ETAA1: variants seen among roughly 807,000 people sequenced by gnomAD.
The protein encoded by ETAA1 is ETAA1 activator of ATR kinase.
Under a neutral mutation model 76.8 loss-of-function variants are expected in ETAA1, and 49 were observed. The ratio of observed to expected loss-of-function variants is 0.64; its 90% CI spans 0.51 to 0.81. The LOEUF (loss-of-function observed/expected upper bound fraction) is 0.81, where lower values mean the gene tolerates loss of function less well. Ranked by LOEUF, ETAA1 falls within the 30% of genes least tolerant of loss-of-function variation. The probability of loss-of-function intolerance (pLI) is 0.00; values close to 1 mark genes in which losing one functional copy is unlikely to be tolerated. For missense variants in ETAA1, 1,099 were observed against 1,074.0 expected, an observed-to-expected ratio of 1.02 and a Z score of -0.32; for synonymous variants, 373 against 372.2, an observed-to-expected ratio of 1.00 and a Z score of -0.03.
chr2:67,406,023 T>C (rs1472377626), intron 5 of ETAA1, among the ~76,000 whole-genome samples: 1 of 152,054 alleles, frequency 6.6e-6, no homozygotes, highest in East Asian at 1.9e-4. Flanking sequence ...TCAATTCTTA[T>C]CTCCAAACAG....
Position 67,397,401 on chromosome 2 carries a change from T to A in ETAA1, c.-48T>A. 1 of 1,545,168 alleles carries A rather than the reference T, an allele frequency of 6.5e-7. No individual in the cohort carries two copies. The highest frequency in any genetic ancestry group is 1.2e-5 in the South Asian group (1 of 84,262). ...TAGTGCTGTTGCCCTACTCATCCCT[T>A]TGCAAAATGTGAAAGAAGAAGCGGC... On this transcript the variant is annotated 5_prime_UTR_variant, in exon 1 of 6. In the 5' UTR this introduces an upstream ATG that the reference lacks. Transcript: ENST00000272342.
intron 1 of ETAA1, 58 bp from the exon 2 acceptor site, chr2:67,399,111 C>T (rs1675983771): frequency 6.7e-7 from 1 of 1,498,474 alleles, no homozygotes; most frequent in South Asian, 1.3e-5. Flanking sequence ...TGGGGTCTTA[C>T]GAAGTAAGGT....
chr2:67,397,562 A>G lies in ETAA1; in HGVS notation c.114A>G (p.Arg38=), dbSNP rs1203704509. 6.4e-7 allele frequency: 1 copy of G among 1,570,016 alleles called. No individual in the cohort carries two copies. The highest frequency in any genetic ancestry group is 1.2e-5 in the South Asian group (1 of 85,936). Residue 38 remains arginine (R), a synonymous_variant, in exon 1 of 6, where the codon AGA becomes AGG. Transcript: ENST00000272342. ...SVVEPGRRRL[R]SARGSWPCGA... The stretch of plus-strand genomic sequence containing the variant: ...TCGAGCCAGGGAGGAGGCGGCTGAG[A>G]TCGGCCCGCGGTTCGTGGCCCTGCG...
intron 2 of ETAA1, 34 bp from the exon 3 acceptor site, chr2:67,399,516 T>C: frequency 6.6e-7 from 1 of 1,520,114 alleles, no homozygotes; most frequent in South Asian, 1.2e-5. Context: ...GGGTTTTTTG[T>C]TTAAAATTTA....
chr2:67,398,428 C>T (rs983553439), intron 1 of ETAA1, among the ~76,000 whole-genome samples: 1 of 151,564 alleles, frequency 6.6e-6, no homozygotes, highest in Non-Finnish European at 1.5e-5. Flanking sequence ...CTCCGCCTCC[C>T]GGGTTCAAGC....
At position 67,410,793 on chromosome 2, in the gene ETAA1, A is replaced by T. The variant is rs1348876192; in HGVS notation, c.*755A>T. On this transcript the variant is annotated 3_prime_UTR_variant, in exon 6 of 6. Transcript: ENST00000272342. ...AAAAAGTAATACTGTTTTCAAAGTC[A>T]TAGGCAAGTTAATGCTGTGCTACAA... 6.6e-6 allele frequency: 1 copy of T among 152,110 alleles called. No individual in the cohort carries two copies. The highest frequency in any genetic ancestry group is 1.5e-5 in the Non-Finnish European group (1 of 67,970). 9.4% of individuals were successfully genotyped at this position (152,110 alleles called of 1,614,324 possible). A position where few individuals can be genotyped will look rare whatever the true frequency, so the allele number is the denominator to read the frequency against.
chr2:67,404,846 G>A lies in ETAA1; in HGVS notation c.2164G>A (p.Glu722Lys), dbSNP rs974563654. The A allele has an allele frequency of 1.2e-5, 20 of 1,613,026 alleles. No homozygotes were observed. Among genetic ancestry groups the A allele is most frequent in the Non-Finnish European group, 1.6e-5 (19 of 1,179,380 alleles). ...TAAGCCAATGAAGATGGAGAAAGGG[G>A]AAATGTATGGAAATTCTCCAAGATT... is the stretch of plus-strand genomic sequence containing the variant. Reference protein sequence around the residue: ...IDKPMKMEKGEMYGNSPRFLG... With the variant: ...IDKPMKMEKGKMYGNSPRFLG... The change falls in exon 5 of 6, where the codon GAA becomes AAA. Residue 722 changes from glutamate (E) to lysine (K), a missense_variant. By Grantham distance (56) the Glu-to-Lys change is moderately conservative (BLOSUM62 1). Around this residue, in one of 3 missense-constraint regions of ETAA1, gnomAD observed 302 missense variants for 278.1 expected, o/e 1.09. Coordinates refer to ENST00000272342, the MANE Select transcript of ETAA1 (RefSeq NM_019002.4).
chr2:67,403,099 C>A, intron 4 of ETAA1, 125 bp downstream of exon 4: 1 of 1,134,474 alleles, frequency 8.8e-7, no homozygotes. Context: ...TTTGATCTAT[C>A]AAATTTTGGA....
intron 5 of ETAA1, 73 bp from the exon 6 acceptor site, chr2:67,409,838 G>C (rs749346323): frequency 6.9e-7 from 1 of 1,449,076 alleles, no homozygotes; most frequent in African/African-American, 1.4e-5. Flanking sequence ...ATTAAAAAAA[G>C]CAAAAATTAA....
In ETAA1 at chr2:67,399,253, A is replaced by G. The variant is rs1675987673; in HGVS notation, c.308A>G (p.Asn103Ser). The change falls in exon 2 of 6, where the codon AAT (asparagine) becomes AGT (serine). Residue 103 changes from asparagine to serine, a missense_variant. Coordinates refer to ENST00000272342, the MANE Select transcript of ETAA1 (RefSeq NM_019002.4). ...FSSPNDPDGQ[N>S]DIFWDQNSPL... is the part of the protein sequence containing the mutation. ...TCTCCTAATGATCCAGATGGACAGAATGATATCTTTTGGGATCAGAATTCT... is the reference window on the plus strand; with the variant it reads ...TCTCCTAATGATCCAGATGGACAGAGTGATATCTTTTGGGATCAGAATTCT... 1 of 1,613,560 alleles carries G rather than the reference A, an allele frequency of 6.2e-7. No homozygotes were observed. Among genetic ancestry groups the G allele is most frequent in the South Asian group, 1.1e-5 (1 of 91,010 alleles).
At chr2:67,402,996 T>C in intron 4 of ETAA1, 22 bp downstream of exon 4, 1 of 1,559,878 alleles carries the variant, frequency 6.4e-7, no homozygotes, top group Non-Finnish European at 8.7e-7. Flanking sequence ...CTTTTCAGCT[T>C]TTCTGAAATT....
rs988261030 is a variant in ETAA1, at chr2:67,402,902, T to C, written c.470T>C (p.Ile157Thr). The C allele has an allele frequency of 1.2e-6, 2 of 1,605,110 alleles. No individual in the cohort carries two copies. Among genetic ancestry groups the C allele is most frequent in the Non-Finnish European group, 1.7e-6 (2 of 1,175,634 alleles). Residue 157 changes from isoleucine (I) to threonine (T), a missense_variant, in exon 4 of 6, where the codon ATT (isoleucine) becomes ACT (threonine). Physicochemically the swap from Ile to Thr is moderately conservative, Grantham distance 89 (BLOSUM62 -1). Around this residue, in one of 3 missense-constraint regions of ETAA1, gnomAD observed 761 missense variants for 731.9 expected, o/e 1.04. Coordinates refer to ENST00000272342, the MANE Select transcript of ETAA1 (RefSeq NM_019002.4). ...ACAAATTCTATGCTGGACATGTGGA[T>C]TGGTGAAACTGCTATTCCTTGTACT... ...PTTNSMLDMW[I>T]GETAIPCTPS...
chr2:67,399,784 A>G (rs1460152719), intron 3 of ETAA1, among the ~76,000 whole-genome samples, 158 bp downstream of exon 3: 1 of 152,184 alleles, frequency 6.6e-6, no homozygotes, highest in Non-Finnish European at 1.5e-5. Flanking sequence ...CTTTTGAAAT[A>G]CATATTTTGA....
Position 67,405,239 on chromosome 2 carries a change from G to C in ETAA1, c.2557G>C (p.Val853Leu). The change falls in exon 5 of 6, where the codon GTG becomes CTG. Residue 853 changes from valine to leucine, a missense_variant. Transcript: ENST00000272342. ...SMSDTKITQG[V>L]EKKKGVNPLL... ...GTCTGATACCAAAATTACACAGGGT[G>C]TGGAGAAAAAGAAAGGTGTCAACCC... 1 of 1,612,038 alleles carries C rather than the reference G, an allele frequency of 6.2e-7. No homozygotes were observed. The highest frequency in any genetic ancestry group is 8.5e-7 in the Non-Finnish European group (1 of 1,178,978).
chr2:67,398,708 C>T (rs1330691829), intron 1 of ETAA1, among the ~76,000 whole-genome samples: 1 of 152,084 alleles, frequency 6.6e-6, no homozygotes, highest in Non-Finnish European at 1.5e-5. Context: ...GAAAGTGATT[C>T]TAGACAAAAA....
In ETAA1 at chr2:67,397,390, T is replaced by A. The variant is rs1260592571; in HGVS notation, c.-59T>A. ...GGTGCGGTTTGTAGTGCTGTTGCCC[T>A]ACTCATCCCTTTGCAAAATGTGAAA... On this transcript the variant is annotated 5_prime_UTR_variant, in exon 1 of 6. Coordinates refer to ENST00000272342, the MANE Select transcript of ETAA1 (RefSeq NM_019002.4). The A allele has an allele frequency of 6.6e-7, 1 of 1,516,768 alleles. No homozygotes were observed. The highest frequency in any genetic ancestry group is 9.0e-7 in the Non-Finnish European group (1 of 1,116,328). The allele number at this position is 1,516,768 out of a possible 1,614,324, so 94.0% of individuals were successfully genotyped here.
rs1185124189 is a variant in ETAA1, at chr2:67,411,641, GC to G, written c.*1604del. ...TTTCTATTGGACGCATATCACTTTT[GC>G]ATCACGTTAGAGTTGAAAAATTGTA... On this transcript the variant is annotated 3_prime_UTR_variant, in exon 6 of 6. Transcript: ENST00000272342. 3.9e-5 allele frequency: 6 copies of G among 152,024 alleles called. No homozygotes were observed. Among genetic ancestry groups the G allele is most frequent in the Non-Finnish European group, 7.4e-5 (5 of 67,970 alleles). The allele number at this position is 152,024 out of a possible 1,614,324, so 9.4% of individuals were successfully genotyped here.
At chr2:67,408,520 G>T (rs575327571) in intron 5 of ETAA1, among the ~76,000 whole-genome samples, 13 of 149,412 alleles carry the variant, frequency 8.7e-5, no homozygotes, top group African/African-American at 3.2e-4. Context: ...CTTGCTTTCT[G>T]ACTCTTTCTT....
In ETAA1 at chr2:67,397,519, A is replaced by C. The variant is rs1343689990; in HGVS notation, c.71A>C (p.Glu24Ala). ...KKTPHKTVAA[E>A]ECGSVVEPGR... The stretch of plus-strand genomic sequence containing the variant: ...ACGCCGCACAAAACAGTGGCGGCGG[A>C]GGAATGCGGCTCGGTGGTCGAGCCA... Residue 24 changes from glutamate (E) to alanine (A), a missense_variant, in exon 1 of 6, where the codon GAG becomes GCG. By Grantham distance (107) the Glu-to-Ala change is moderately radical (BLOSUM62 -1). Transcript: ENST00000272342. 6.3e-7 allele frequency: 1 copy of C among 1,597,126 alleles called. No individual in the cohort carries two copies. Among genetic ancestry groups the C allele is most frequent in the Admixed American group, 1.7e-5 (1 of 58,040 alleles).
Sources: gnomAD v4.1 joint callset for allele counts (sites outside exome capture counted in the v4.1 genomes callset) on GRCh38, gnomAD v4.1.1 for gene constraint, gnomAD v4.1.1 regional missense constraint, MANE v1.5 for transcripts, NCBI Gene and HGNC (gene_info 2026-07-23, HGNC 2026-07-21) for gene names.